EIF2A: variants seen among roughly 807,000 people sequenced by gnomAD.
EIF2A encodes 65 kDa eukaryotic translation initiation factor 2A.
EIF2A carries 62 observed loss-of-function variants against 75.2 expected under a neutral mutation model. That is an observed-to-expected ratio of 0.82 (90% CI 0.67 to 1.02). EIF2A has a LOEUF of 1.02. Ranked by LOEUF, EIF2A falls within the 50% of genes least tolerant of loss-of-function variation. The probability of loss-of-function intolerance (pLI) is 0.00; values close to 1 mark genes in which losing one functional copy is unlikely to be tolerated. For synonymous variants in EIF2A, 207 were observed against 239.0 expected (o/e 0.87, Z 1.23); for missense variants, 611 against 677.7 (o/e 0.90, Z 1.09).
At chr3:150,558,182 A>T (rs531404355) in intron 2 of EIF2A, among the ~76,000 whole-genome samples, 3 of 152,346 alleles carry the variant, frequency 2.0e-5, no homozygotes, top group African/African-American at 7.2e-5. Context: ...TCCATCTGTT[A>T]GTATGAAATC....
chr3:150,579,962 A>AT (rs914101363), intron 11 of EIF2A, among the ~76,000 whole-genome samples: 43 of 143,086 alleles, frequency 3.0e-4, no homozygotes, highest in African/African-American at 9.6e-4. Flanking sequence ...TACTTACATA[A>AT]TTTTTTCCCC....
At chr3:150,569,835 A>G (rs1381348450) in intron 9 of EIF2A, among the ~76,000 whole-genome samples, 2 of 152,162 alleles carry the variant, frequency 1.3e-5, no homozygotes, top group Non-Finnish European at 2.9e-5. Flanking sequence ...AAGTAAGCCA[A>G]TTGTAATTAA....
intron 11 of EIF2A, among the ~76,000 whole-genome samples, chr3:150,577,055 C>T (rs754860000): frequency 2.6e-5 from 4 of 152,146 alleles, no homozygotes; most frequent in Non-Finnish European, 5.9e-5. Flanking sequence ...GCTCACAGTT[C>T]TAGAAGCTGG....
intron 10 of EIF2A, among the ~76,000 whole-genome samples, chr3:150,573,812 G>T (rs1724685221): frequency 6.6e-6 from 1 of 152,004 alleles, no homozygotes; most frequent in Non-Finnish European, 1.5e-5. Context: ...AAAGGTGTTG[G>T]GGTTCGTCCC....
At position 150,562,520 on chromosome 3, in the gene EIF2A, A is replaced by G. The variant is rs1335271950; in HGVS notation, c.174-22A>G. On this transcript the variant is annotated intron_variant, in intron 3 of 13. Coordinates refer to ENST00000460851, the MANE Select transcript of EIF2A (RefSeq NM_032025.5). The stretch of plus-strand genomic sequence containing the variant: ...ACTATAAAACAGTATTTCATTGCTG[A>G]AATAATTTCTTTTGAAACCAGAGTA... 2.5e-6 allele frequency: 4 copies of G among 1,572,074 alleles called. No individual in the cohort carries two copies. The Admixed American group carries it at 5.2e-5, about 20-fold the overall frequency.
chr3:150,546,907 C>T (rs938667701), intron 1 of EIF2A, 77 bp downstream of exon 1: 56 of 1,591,960 alleles, frequency 3.5e-5, no homozygotes, highest in Non-Finnish European at 4.6e-5. Context: ...GAGAACTACC[C>T]GAGGAGCCGG....
Position 150,558,292 on chromosome 3 carries a change from A to G in EIF2A, c.99-96A>G, listed in dbSNP as rs1576590823. The stretch of plus-strand genomic sequence containing the variant: ...CTGAAATTTGTGCAAGTTCTTAGTT[A>G]TTAAATTGATAGTGAAATGGTTGAC... On this transcript the variant is annotated intron_variant, in intron 2 of 13. Transcript: ENST00000460851. 3.6e-6 allele frequency: 4 copies of G among 1,104,304 alleles called. No individual in the cohort carries two copies. In the East Asian group the frequency reaches 9.5e-5, roughly 26 times the overall value. 68.4% of individuals were successfully genotyped at this position (1,104,304 alleles called of 1,614,324 possible).
chr3:150,552,891 TA>T, intron 2 of EIF2A: 1 of 153,076 alleles, frequency 6.5e-6, no homozygotes, highest in Non-Finnish European at 1.5e-5. Context: ...AAAAACTAGT[TA>T]AAAATGCTTA....
rs1208627298 is a variant in EIF2A at position 150,546,808 on chromosome 3, G to T, written c.6G>T (p.Ala2=). Residue 2 remains alanine, a synonymous_variant, in exon 1 of 14, where the codon GCG becomes GCT. Coordinates refer to ENST00000460851, the MANE Select transcript of EIF2A (RefSeq NM_032025.5). Reference sequence around the variant, plus strand: ...GTTTCTCTTTCCGGGACAACATGGCGCCGTCCACGCCGCTCTTGACAGGTG... The same window carrying T: ...GTTTCTCTTTCCGGGACAACATGGCTCCGTCCACGCCGCTCTTGACAGGTG... The part of the protein sequence containing the change: M[A]PSTPLLTVRG... The T allele has an allele frequency of 5.0e-6, 8 of 1,612,470 alleles. No individual in the cohort carries two copies. The highest frequency in any genetic ancestry group is 6.8e-6 in the Non-Finnish European group (8 of 1,179,900).
intron 3 of EIF2A, among the ~76,000 whole-genome samples, chr3:150,559,793 C>G (rs1723754821): frequency 6.6e-6 from 1 of 152,124 alleles, no homozygotes; most frequent in Non-Finnish European, 1.5e-5. Context: ...CCTCACCCAG[C>G]CTGAATCTAC....
chr3:150,582,437 C>G (rs1725245345), intron 12 of EIF2A, among the ~76,000 whole-genome samples: 1 of 151,892 alleles, frequency 6.6e-6, no homozygotes, highest in Non-Finnish European at 1.5e-5. Flanking sequence ...GCCTCAGCCT[C>G]CCGAGTAGCT....
intron 1 of EIF2A, among the ~76,000 whole-genome samples, chr3:150,550,438 T>G (rs1205184902): frequency 6.6e-6 from 1 of 152,194 alleles, no homozygotes; most frequent in Non-Finnish European, 1.5e-5. Context: ...TGATTTTGTG[T>G]TTTTTTCTAA....
chr3:150,583,556 C>G (rs1725309490), intron 13 of EIF2A, among the ~76,000 whole-genome samples: 1 of 152,158 alleles, frequency 6.6e-6, no homozygotes, highest in South Asian at 2.1e-4. Flanking sequence ...AAGATTCTCT[C>G]AAGTTGTACT....
Position 150,562,616 on chromosome 3 carries a change from T to A in EIF2A, c.248T>A (p.Phe83Tyr), listed in dbSNP as rs1723948996. Residue 83 changes from phenylalanine to tyrosine, a missense_variant, in exon 4 of 14, where the codon TTC becomes TAC. Phe to Tyr is a conservative substitution (Grantham distance 22). Coordinates refer to ENST00000460851, the MANE Select transcript of EIF2A (RefSeq NM_032025.5). ...FDLLKAVCLEFSPKNTVLATW... is the reference protein window; with the variant it reads ...FDLLKAVCLEYSPKNTVLATW... ...CTCCTGAAGGCAGTTTGCCTTGAAT[T>A]CTCACCCAAAAATACTGTCCTGGCA... 6.2e-7 allele frequency: 1 copy of A among 1,613,564 alleles called. No individual in the cohort carries two copies. The highest frequency in any genetic ancestry group is 1.3e-5 in the African/African-American group (1 of 75,028).
At chr3:150,567,872 T>A in intron 7 of EIF2A, 30 bp from the exon 8 acceptor site, 2 of 1,580,334 alleles carry the variant, frequency 1.3e-6, no homozygotes, top group Non-Finnish European at 8.6e-7. Flanking sequence ...TTCAAAAAAT[T>A]AAGTAATGAT....
intron 5 of EIF2A, 31 bp downstream of exon 5, chr3:150,563,645 T>C: frequency 8.5e-6 from 12 of 1,418,652 alleles, no homozygotes; most frequent in Non-Finnish European, 1.1e-5. Context: ...ACTAATTTTT[T>C]ACATAGTATT....
At chr3:150,557,205 GGACT>G (rs1220989398) in intron 2 of EIF2A, among the ~76,000 whole-genome samples, 1 of 152,072 alleles carries the variant, frequency 6.6e-6, no homozygotes, top group African/African-American at 2.4e-5. Context: ...TGTAATGTAA[GGACT>G]GACTAATGTT....
intron 11 of EIF2A, among the ~76,000 whole-genome samples, chr3:150,575,998 T>C (rs1724842245): frequency 6.6e-6 from 1 of 152,130 alleles, no homozygotes; most frequent in Non-Finnish European, 1.5e-5. Context: ...GAGAATTACT[T>C]GAACCTGGGA....
rs370203541 is a variant in EIF2A, at chr3:150,564,314, A to C, written c.408A>C (p.Ser136=). The C allele has an allele frequency of 6.3e-7, 1 of 1,593,918 alleles. No individual in the cohort carries two copies. The highest frequency in any genetic ancestry group is 8.5e-7 in the Non-Finnish European group (1 of 1,172,740). ...KKMQNWCPSW[S]EDETLCARNV... Reference sequence around the variant, plus strand: ...ATTGACATAGGTGTCCATCCTGGTCAGAAGATGAAACTCTTTGTGCCCGCA... The same window carrying C: ...ATTGACATAGGTGTCCATCCTGGTCCGAAGATGAAACTCTTTGTGCCCGCA... Residue 136 remains serine, a synonymous_variant, in exon 6 of 14, where the codon TCA becomes TCC. Transcript: ENST00000460851.
Sources: gnomAD v4.1 joint callset for allele counts (sites outside exome capture counted in the v4.1 genomes callset) on GRCh38, gnomAD v4.1.1 for gene constraint, MANE v1.5 for transcripts, NCBI Gene and HGNC (gene_info 2026-07-23, HGNC 2026-07-21) for gene names.